The following STK39 variants were observed in gnomAD, a reference collection of about 807,000 sequenced individuals.
STK39 encodes STE20/SPS1-related proline-alanine-rich protein kinase.
Under a neutral mutation model 77.8 loss-of-function variants are expected in STK39, and 20 were observed. The observed-to-expected ratio is 0.26, with a 90% CI of 0.18 to 0.37. The LOEUF (loss-of-function observed/expected upper bound fraction) is 0.37. Among genes scored for constraint, STK39 ranks in the 10% least tolerant of loss-of-function variants. The probability of loss-of-function intolerance (pLI) is 1.00; values close to 1 mark genes in which losing one functional copy is unlikely to be tolerated. For missense variants in STK39, 479 were observed against 656.5 expected (o/e 0.73, Z 2.95); for synonymous variants, 246 against 234.1 (o/e 1.05, Z -0.47).
chr2:168,247,069 A>T (rs1483880027), intron 1 of STK39, among the ~76,000 whole-genome samples, 159 bp downstream of exon 1: 22 of 133,802 alleles, frequency 1.6e-4, no homozygotes, highest in South Asian at 4.8e-4. Flanking sequence ...ATTAAAAAAA[A>T]AAAAAAAAAA....
chr2:168,182,395 G>C (rs1221891088), intron 1 of STK39, among the ~76,000 whole-genome samples: 2 of 152,094 alleles, frequency 1.3e-5, no homozygotes, highest in African/African-American at 4.8e-5. Flanking sequence ...TTTCTAGCTT[G>C]AGTGCCTTTA....
intron 8 of STK39, among the ~76,000 whole-genome samples, chr2:168,134,310 T>G (rs552465249): frequency 4.6e-5 from 7 of 152,282 alleles, no homozygotes; most frequent in African/African-American, 1.7e-4. Context: ...CAAAGTCCAC[T>G]GAGACTTAAA....
intron 10 of STK39, among the ~76,000 whole-genome samples, chr2:168,100,202 G>A (rs1176011652): frequency 2.0e-5 from 3 of 152,104 alleles, no homozygotes; most frequent in Non-Finnish European, 4.4e-5. Flanking sequence ...AATCATTACA[G>A]CAGAAAGGCT....
chr2:168,122,377 A>G (rs1490254206), intron 10 of STK39, among the ~76,000 whole-genome samples: 1 of 152,080 alleles, frequency 6.6e-6, no homozygotes, highest in African/African-American at 2.4e-5. Flanking sequence ...GTTCTTTTTT[A>G]TGGCTGTGTA....
At chr2:168,241,919 G>A (rs138793236) in intron 1 of STK39, among the ~76,000 whole-genome samples, 240 of 152,320 alleles carry the variant, frequency 1.6e-3, no homozygotes, top group African/African-American at 5.1e-3. Context: ...AGGTCGCAGC[G>A]TCAGTGACCG....
intron 5 of STK39, among the ~76,000 whole-genome samples, chr2:168,151,951 C>A (rs1574506587): frequency 1.3e-5 from 2 of 152,146 alleles, no homozygotes; most frequent in East Asian, 3.9e-4. Context: ...ACCAGTTGAA[C>A]AAAATGGCAA....
intron 14 of STK39, 85 bp downstream of exon 14, chr2:168,063,415 C>A: frequency 8.3e-7 from 1 of 1,208,964 alleles, no homozygotes; most frequent in Non-Finnish European, 1.2e-6. Context: ...CTATTTTATG[C>A]TAATATTATG....
intron 17 of STK39, among the ~76,000 whole-genome samples, chr2:167,957,234 C>T (rs1027590975): frequency 1.3e-5 from 2 of 152,122 alleles, no homozygotes; most frequent in Admixed American, 1.3e-4. Context: ...AAATATTAAT[C>T]AGTATTTAAA....
intron 2 of STK39, among the ~76,000 whole-genome samples, chr2:168,169,162 T>A (rs1022850724): frequency 6.6e-5 from 10 of 152,332 alleles, no homozygotes; most frequent in African/African-American, 2.4e-4. Context: ...TCAGCAACTC[T>A]TATCCTTTGA....
At chr2:168,096,393 C>T (rs548840550) in intron 10 of STK39, among the ~76,000 whole-genome samples, 5 of 152,250 alleles carry the variant, frequency 3.3e-5, no homozygotes, top group East Asian at 1.9e-4. Context: ...CTGTAACACA[C>T]GGTGATAATA....
chr2:168,189,361 A>C (rs1429271045), intron 1 of STK39, among the ~76,000 whole-genome samples: 1 of 152,036 alleles, frequency 6.6e-6, no homozygotes, highest in Non-Finnish European at 1.5e-5. Context: ...AAACCAGAAC[A>C]AATGTAAATA....
intron 14 of STK39, among the ~76,000 whole-genome samples, chr2:168,023,908 G>T (rs1684634442): frequency 6.6e-6 from 1 of 152,142 alleles, no homozygotes; most frequent in South Asian, 2.1e-4. Context: ...AGCAGCAGAA[G>T]ATTTCTCATC....
chr2:168,038,599 G>T (rs1685018787), intron 14 of STK39, among the ~76,000 whole-genome samples: 1 of 151,966 alleles, frequency 6.6e-6, no homozygotes, highest in Non-Finnish European at 1.5e-5. Context: ...TAAAACTTTT[G>T]TTCTTTAAAA....
intron 10 of STK39, among the ~76,000 whole-genome samples, chr2:168,092,360 G>A (rs560127374): frequency 2.0e-5 from 3 of 152,274 alleles, no homozygotes; most frequent in East Asian, 3.9e-4. Context: ...ATACTAAAAA[G>A]GGCCATAAAT....
At chr2:168,236,191 T>A (rs920327829) in intron 1 of STK39, among the ~76,000 whole-genome samples, 9 of 152,218 alleles carry the variant, frequency 5.9e-5, no homozygotes, top group African/African-American at 2.2e-4. Flanking sequence ...TCATTTGCAT[T>A]TCTCTGATAG....
chr2:168,080,960 C>CT (rs754001127), intron 10 of STK39, among the ~76,000 whole-genome samples: 9 of 152,218 alleles, frequency 5.9e-5, no homozygotes, highest in Non-Finnish European at 7.3e-5. Flanking sequence ...AACTGGGAAC[C>CT]TCTGCCTAGA....
intron 1 of STK39, among the ~76,000 whole-genome samples, chr2:168,194,333 T>C (rs1010206100): frequency 2.0e-5 from 3 of 152,076 alleles, no homozygotes; most frequent in Admixed American, 6.6e-5. Context: ...GGTGGGAGGA[T>C]AGCTTGAACT....
At chr2:168,168,751 G>C (rs143317867) in intron 2 of STK39, among the ~76,000 whole-genome samples, 2 of 152,350 alleles carry the variant, frequency 1.3e-5, no homozygotes, top group East Asian at 3.9e-4. Context: ...AACACTTTGG[G>C]AGGCCGCAGC....
intron 16 of STK39, among the ~76,000 whole-genome samples, chr2:167,986,845 T>C (rs973461879): frequency 6.6e-6 from 1 of 152,122 alleles, no homozygotes; most frequent in African/African-American, 2.4e-5. Flanking sequence ...CAGTGTGCAG[T>C]AATGAGGCTG....
Sources: allele counts gnomAD v4.1 joint callset (sites outside exome capture counted in the v4.1 genomes callset), GRCh38; gene constraint gnomAD v4.1.1; transcripts MANE v1.5; gene names NCBI Gene and HGNC (gene_info 2026-07-23, HGNC 2026-07-21).